The following GUCY2C variants were observed in gnomAD, a reference collection of about 807,000 sequenced individuals.
GUCY2C encodes guanylate cyclase 2C, also known as guanylyl cyclase C.
GUCY2C carries 118 observed loss-of-function variants against 131.1 expected under a neutral mutation model. That is an observed-to-expected ratio of 0.90 (90% CI 0.78 to 1.05). The LOEUF (loss-of-function observed/expected upper bound fraction) is 1.05, where lower values mean the gene tolerates loss of function less well. GUCY2C is among the 50% of genes least tolerant of loss of function. The pLI is 0.00. For synonymous variants in GUCY2C, 452 were observed against 457.8 expected, an observed-to-expected ratio of 0.99 and a Z score of 0.16; for missense variants, 1,161 against 1,304.4, an observed-to-expected ratio of 0.89 and a Z score of 1.69.
chr12:14,665,719 A>G (rs1947965436), intron 10 of GUCY2C: 1 of 152,236 alleles, frequency 6.6e-6, no homozygotes, highest in Non-Finnish European at 1.5e-5. Context: ...ATTGTCTGGC[A>G]TTAAATAAAT....
intron 11 of GUCY2C, among the ~76,000 whole-genome samples, chr12:14,656,938 G>A (rs1467178483): frequency 6.6e-6 from 1 of 152,218 alleles, no homozygotes; most frequent in Non-Finnish European, 1.5e-5. Flanking sequence ...TCAGGCATTA[G>A]ATTCTCATAA....
intron 2 of GUCY2C, 33 bp from the exon 3 acceptor site, chr12:14,686,258 A>C: frequency 6.8e-7 from 1 of 1,468,806 alleles, no homozygotes; most frequent in Non-Finnish European, 9.5e-7. Context: ...GAATTCCTAG[A>C]ACTAAGAAAA....
chr12:14,693,751 A>T (rs1948613668), intron 1 of GUCY2C, among the ~76,000 whole-genome samples: 1 of 152,244 alleles, frequency 6.6e-6, no homozygotes, highest in Admixed American at 6.5e-5. Context: ...TGATCCATTT[A>T]ACAACCTGCC....
At chr12:14,686,052 A>T in intron 3 of GUCY2C, 109 bp downstream of exon 3, 1 of 695,532 alleles carries the variant, frequency 1.4e-6, no homozygotes, top group Non-Finnish European at 2.5e-6. Context: ...ATGGCAAAAT[A>T]CTAGACCTCA....
At chr12:14,657,529 G>C (rs1428723454) in intron 11 of GUCY2C, among the ~76,000 whole-genome samples, 1 of 152,144 alleles carries the variant, frequency 6.6e-6, no homozygotes, top group Non-Finnish European at 1.5e-5. Context: ...ACTGGTACTG[G>C]TCCGTAGCCT....
At chr12:14,695,578 GT>G (rs1244748019) in intron 1 of GUCY2C, among the ~76,000 whole-genome samples, 1 of 140,278 alleles carries the variant, frequency 7.1e-6, no homozygotes, top group African/African-American at 2.8e-5. Flanking sequence ...TCCAGCCTGG[GT>G]GACAGAGTGA....
intron 1 of GUCY2C, among the ~76,000 whole-genome samples, chr12:14,688,266 C>G (rs1481734789): frequency 6.6e-6 from 1 of 152,118 alleles, no homozygotes; most frequent in Non-Finnish European, 1.5e-5. Context: ...CTGTTTCTCT[C>G]TCTCTCTCTC....
At chr12:14,675,807 A>G (rs901244306) in intron 7 of GUCY2C, among the ~76,000 whole-genome samples, 3 of 152,236 alleles carry the variant, frequency 2.0e-5, no homozygotes, top group Non-Finnish European at 4.4e-5. Flanking sequence ...TGCTAGAACC[A>G]TGAAGATGGT....
chr12:14,696,292 T>C lies in GUCY2C; in HGVS notation c.157A>G (p.Asn53Asp). 6.2e-7 allele frequency: 1 copy of C among 1,614,128 alleles called. No homozygotes were observed. Among genetic ancestry groups the C allele is most frequent in the Non-Finnish European group, 8.5e-7 (1 of 1,180,020 alleles). Residue 53 changes from asparagine to aspartate, a missense_variant, in exon 1 of 27, where the codon AAC becomes GAC. Physicochemically the swap from Asn to Asp is conservative, Grantham distance 23. Coordinates refer to ENST00000261170, the MANE Select transcript of GUCY2C (RefSeq NM_004963.4). The part of the protein sequence containing the change: ...GNSAFAEPLK[N>D]LEDAVNEGLE... The stretch of plus-strand genomic sequence containing the variant: ...CCCTCATTCACCGCATCTTCCAAGT[T>C]TTTCAGGGGCTCTGCAAAGGCTGAG...
chr12:14,641,950 C>T (rs939117307), intron 17 of GUCY2C, among the ~76,000 whole-genome samples: 2 of 150,222 alleles, frequency 1.3e-5, no homozygotes, highest in Non-Finnish European at 2.9e-5. Flanking sequence ...AAAAAAAATA[C>T]AAATTTTATG....
intron 17 of GUCY2C, among the ~76,000 whole-genome samples, chr12:14,641,936 CA>C (rs147602523): frequency 3.2e-4 from 45 of 139,088 alleles, no homozygotes; most frequent in East Asian, 8.6e-4. Context: ...GACTCCATCT[CA>C]AAAAAAAAAA....
chr12:14,629,639 T>C (rs1354519617), intron 19 of GUCY2C, among the ~76,000 whole-genome samples: 1 of 152,196 alleles, frequency 6.6e-6, no homozygotes, highest in African/African-American at 2.4e-5. Flanking sequence ...ACGAGAAATA[T>C]CAGCCCAACC....
intron 15 of GUCY2C, among the ~76,000 whole-genome samples, chr12:14,647,216 C>T (rs1467739681): frequency 3.9e-5 from 6 of 152,154 alleles, no homozygotes; most frequent in Non-Finnish European, 7.4e-5. Context: ...AAATCATCTG[C>T]TTGTTCATGA....
At chr12:14,616,611 A>G in intron 25 of GUCY2C, 22 bp downstream of exon 25, 1 of 1,335,194 alleles carries the variant, frequency 7.5e-7, no homozygotes, top group Non-Finnish European at 1.1e-6. Flanking sequence ...TTTCCTATGC[A>G]TTGTCTCTGT....
In GUCY2C at chr12:14,643,586, G is replaced by T. The variant is rs759045839; in HGVS notation, c.1918C>A (p.Pro640Thr). Residue 640 changes from proline (P) to threonine (T), a missense_variant, in exon 17 of 27, where the codon CCT becomes ACT. Physicochemically the swap from Pro to Thr is conservative, Grantham distance 38. Coordinates refer to ENST00000261170, the MANE Select transcript of GUCY2C (RefSeq NM_004963.4). ...ITDFGCNSIL[P>T]PKKDLWTAPE... ...ATTCATTACAGACCCTTTTTTGGAG[G>T]TAAAATGGAATTGCAGCCAAAATCA... 1 of 1,612,102 alleles carries T rather than the reference G, an allele frequency of 6.2e-7. No individual in the cohort carries two copies. Among genetic ancestry groups the T allele is most frequent in the Non-Finnish European group, 8.5e-7 (1 of 1,179,282 alleles).
At chr12:14,691,526 A>G (rs1236319525) in intron 1 of GUCY2C, among the ~76,000 whole-genome samples, 1 of 152,144 alleles carries the variant, frequency 6.6e-6, no homozygotes, top group African/African-American at 2.4e-5. Context: ...AGGGTCTTGG[A>G]ACACTGCAAG....
intron 19 of GUCY2C, among the ~76,000 whole-genome samples, chr12:14,632,898 A>G (rs1342679743): frequency 3.3e-5 from 5 of 152,164 alleles, no homozygotes; most frequent in African/African-American, 1.2e-4. Flanking sequence ...GGTACCCACC[A>G]GCATATACCA....
chr12:14,616,121 C>G (rs1161460611), intron 25 of GUCY2C, among the ~76,000 whole-genome samples: 1 of 151,948 alleles, frequency 6.6e-6, no homozygotes, highest in Non-Finnish European at 1.5e-5. Flanking sequence ...GCATAGTAGG[C>G]CTGGTAGAGT....
chr12:14,656,768 C>T (rs1328664834), intron 11 of GUCY2C, 151 bp from the exon 12 acceptor site: 7 of 484,618 alleles, frequency 1.4e-5, no homozygotes, highest in Non-Finnish European at 2.2e-5. Context: ...GTCCTCCAAA[C>T]TGAAAAGCGC....
Sources: allele counts gnomAD v4.1 joint callset (sites outside exome capture counted in the v4.1 genomes callset), GRCh38; gene constraint gnomAD v4.1.1; transcripts MANE v1.5; gene names NCBI Gene and HGNC (gene_info 2026-07-23, HGNC 2026-07-21).